Variants in PDE7B observed in about 807,000 individuals in gnomAD.
PDE7B encodes the protein 3',5'-cyclic-AMP phosphodiesterase 7B.
Under a neutral mutation model 56.2 loss-of-function variants are expected in PDE7B, and 29 were observed. That is an observed-to-expected ratio of 0.52 (90% CI 0.38 to 0.70). The LOEUF is 0.70. Ranked by LOEUF, PDE7B falls within the 30% of genes least tolerant of loss-of-function variation. The pLI is 0.00. For synonymous variants in PDE7B, 197 were observed against 196.9 expected, an observed-to-expected ratio of 1.00 and a Z score of 0.00; for missense variants, 490 against 565.0, an observed-to-expected ratio of 0.87 and a Z score of 1.35.
At chr6:135,898,767 C>A (rs1015518521) in intron 1 of PDE7B, among the ~76,000 whole-genome samples, 1 of 152,154 alleles carries the variant, frequency 6.6e-6, no homozygotes, top group Admixed American at 6.6e-5. Context: ...AGAACCCTAG[C>A]ATTAACATTA....
chr6:135,888,404 G>C (rs1775747949), intron 1 of PDE7B, among the ~76,000 whole-genome samples: 1 of 152,090 alleles, frequency 6.6e-6, no homozygotes, highest in African/African-American at 2.4e-5. Flanking sequence ...TGGGACCTCA[G>C]ATAAAGTAAC....
At chr6:136,008,994 C>T (rs1009441205) in intron 2 of PDE7B, among the ~76,000 whole-genome samples, 12 of 151,238 alleles carry the variant, frequency 7.9e-5, no homozygotes, top group East Asian at 1.9e-4. Context: ...TTTAATCCAT[C>T]TTGAATTAAT....
chr6:135,942,518 T>C (rs2128198787), intron 1 of PDE7B, among the ~76,000 whole-genome samples: 1 of 152,286 alleles, frequency 6.6e-6, no homozygotes, highest in East Asian at 1.9e-4. Context: ...TCTACTCTCT[T>C]AGCAATTTGC....
chr6:135,922,021 G>C (rs1361959443), intron 1 of PDE7B, among the ~76,000 whole-genome samples: 1 of 152,128 alleles, frequency 6.6e-6, no homozygotes, highest in African/African-American at 2.4e-5. Context: ...CTCAATTCAT[G>C]AGGGTTATTT....
chr6:135,966,309 T>C (rs991803787), intron 2 of PDE7B, among the ~76,000 whole-genome samples: 2 of 152,224 alleles, frequency 1.3e-5, no homozygotes, highest in African/African-American at 4.8e-5. Flanking sequence ...TTTTCTCTCT[T>C]TGACTCTCTA....
intron 2 of PDE7B, among the ~76,000 whole-genome samples, chr6:136,076,635 C>G (rs1777132943): frequency 6.6e-6 from 1 of 152,160 alleles, no homozygotes; most frequent in African/African-American, 2.4e-5. Context: ...ACGCCCAGAT[C>G]TCTTCCCCCA....
chr6:136,114,029 T>A (rs899402798), intron 3 of PDE7B, among the ~76,000 whole-genome samples: 1 of 152,034 alleles, frequency 6.6e-6, no homozygotes, highest in Non-Finnish European at 1.5e-5. Flanking sequence ...CAGCCTGAGG[T>A]TTTAGGGCAC....
intron 3 of PDE7B, among the ~76,000 whole-genome samples, chr6:136,115,839 C>G (rs770791156): frequency 5.3e-5 from 8 of 152,192 alleles, no homozygotes; most frequent in Non-Finnish European, 7.3e-5. Flanking sequence ...CTGTCTCAGA[C>G]AGCAGTGGGA....
At chr6:135,951,108 T>A (rs909117576) in intron 2 of PDE7B, among the ~76,000 whole-genome samples, 4 of 152,186 alleles carry the variant, frequency 2.6e-5, no homozygotes, top group Non-Finnish European at 4.4e-5. Flanking sequence ...AGAGCAAATG[T>A]GGATGATCAA....
At chr6:136,098,147 G>GAAAA (rs1554279576) in intron 2 of PDE7B, 1 of 62,936 alleles carries the variant, frequency 1.6e-5, no homozygotes, top group Admixed American at 1.7e-4. Context: ...GGGGGGGGGG[G>GAAAA]AAATATATGT....
intron 2 of PDE7B, among the ~76,000 whole-genome samples, chr6:135,972,711 T>A (rs1775114659): frequency 6.6e-6 from 1 of 152,174 alleles, no homozygotes; most frequent in Non-Finnish European, 1.5e-5. Flanking sequence ...CTACCACTGT[T>A]GCATCAAATT....
At chr6:136,163,860 G>C (rs572623817) in intron 8 of PDE7B, among the ~76,000 whole-genome samples, 1 of 152,286 alleles carries the variant, frequency 6.6e-6, no homozygotes, top group Admixed American at 6.5e-5. Context: ...CTCCATATGA[G>C]AGCACCTAAG....
chr6:136,077,428 T>C (rs890939276), intron 2 of PDE7B, among the ~76,000 whole-genome samples: 1 of 152,098 alleles, frequency 6.6e-6, no homozygotes, highest in Admixed American at 6.5e-5. Flanking sequence ...TAACCCTAAA[T>C]TGGAATGATT....
intron 2 of PDE7B, among the ~76,000 whole-genome samples, chr6:135,958,050 G>T (rs1360700093): frequency 1.3e-5 from 2 of 152,102 alleles, no homozygotes; most frequent in Non-Finnish European, 2.9e-5. Flanking sequence ...TGGCCAACAT[G>T]GCAAAACCCC....
intron 1 of PDE7B, among the ~76,000 whole-genome samples, 168 bp from the exon 2 acceptor site, chr6:135,947,296 A>G (rs962652892): frequency 1.3e-5 from 2 of 152,078 alleles, no homozygotes; most frequent in African/African-American, 4.8e-5. Context: ...TCCCTCAAAT[A>G]TTTTACTACC....
intron 2 of PDE7B, chr6:136,038,233 C>CAGT (rs1271024537): frequency 7.7e-7 from 1 of 1,300,046 alleles, no homozygotes. Flanking sequence ...GCAGCAACAG[C>CAGT]AGCAGCAGCA....
intron 10 of PDE7B, among the ~76,000 whole-genome samples, chr6:136,179,462 G>C (rs1779028624): frequency 6.6e-6 from 1 of 152,140 alleles, no homozygotes; most frequent in African/African-American, 2.4e-5. Context: ...TTTTAGTAAA[G>C]GCTTTGAAAT....
intron 2 of PDE7B, among the ~76,000 whole-genome samples, chr6:136,086,470 C>T (rs981634023): frequency 1.3e-5 from 2 of 152,094 alleles, no homozygotes; most frequent in African/African-American, 4.8e-5. Flanking sequence ...TGAGGGAACC[C>T]CCTTGTTAAT....
At chr6:136,036,543 AAAC>A (rs1435019710) in intron 2 of PDE7B, among the ~76,000 whole-genome samples, 14 of 151,814 alleles carry the variant, frequency 9.2e-5, no homozygotes, top group African/African-American at 3.2e-4. Flanking sequence ...AGAAATAATA[AAAC>A]AACAATAAAA....
Sources: gnomAD v4.1 joint callset for allele counts (sites outside exome capture counted in the v4.1 genomes callset) on GRCh38, gnomAD v4.1.1 for gene constraint, MANE v1.5 for transcripts, NCBI Gene and HGNC (gene_info 2026-07-23, HGNC 2026-07-21) for gene names.